Variants in ST8SIA6 observed in about 807,000 individuals in gnomAD.
The protein encoded by ST8SIA6 is alpha-2,8-sialyltransferase 8F.
ST8SIA6 carries 39 observed loss-of-function variants against 33.6 expected under a neutral mutation model. The ratio of observed to expected loss-of-function variants is 1.16; its 90% CI spans 0.90 to 1.52. The LOEUF is 1.52. Ranked by LOEUF, ST8SIA6 falls within the 40% of genes most tolerant of loss-of-function variation. The pLI is 0.00. For missense variants in ST8SIA6, 441 were observed against 443.8 expected (o/e 0.99, Z 0.06); for synonymous variants, 172 against 167.2 (o/e 1.03, Z -0.22).
chr10:17,333,718 T>TATACATATA (rs1491246829), intron 4 of ST8SIA6, among the ~76,000 whole-genome samples: 1 of 24,280 alleles, frequency 4.1e-5, no homozygotes, highest in Non-Finnish European at 7.9e-5. Flanking sequence ...TATATATATA[T>TATACATATA]TTTTTTTTTT....
chr10:17,374,861 T>TGTA (rs1223842077), intron 3 of ST8SIA6, among the ~76,000 whole-genome samples: 1 of 151,530 alleles, frequency 6.6e-6, no homozygotes, highest in Non-Finnish European at 1.5e-5. Context: ...ATACTAAGAA[T>TGTA]GTAGTGTGTT....
In ST8SIA6 at chr10:17,315,631, G is replaced by A. The variant is rs1847747855; in HGVS notation, c.*5247C>T. On this transcript the variant is annotated 3_prime_UTR_variant, in exon 8 of 8. Coordinates refer to ENST00000377602, the MANE Select transcript of ST8SIA6 (RefSeq NM_001004470.3). ...AAGTGCAAGACAAGAAATGAGTACA[G>A]ACAGTAAGATTCCATTTATATAAAA... 6.6e-6 allele frequency among the ~76,000 whole-genome samples: 1 copy of A among 151,914 alleles called. No individual in the cohort carries two copies. Among genetic ancestry groups the A allele is most frequent in the Admixed American group, 6.6e-5 (1 of 15,212 alleles).
At chr10:17,358,346 A>G (rs1275283378) in intron 4 of ST8SIA6, among the ~76,000 whole-genome samples, 1 of 152,222 alleles carries the variant, frequency 6.6e-6, no homozygotes, top group Non-Finnish European at 1.5e-5. Context: ...GCAAACAAGA[A>G]GAGCTGCCTT....
At chr10:17,399,413 T>G (rs1234181009) in intron 2 of ST8SIA6, among the ~76,000 whole-genome samples, 1 of 152,210 alleles carries the variant, frequency 6.6e-6, no homozygotes, top group Non-Finnish European at 1.5e-5. Context: ...GGAACTTTTC[T>G]TAAAATGACT....
chr10:17,355,795 G>C (rs1849171425), intron 4 of ST8SIA6, among the ~76,000 whole-genome samples: 3 of 152,200 alleles, frequency 2.0e-5, no homozygotes, highest in Non-Finnish European at 4.4e-5. Flanking sequence ...CCATGCATCA[G>C]ATCCTTCCTT....
chr10:17,343,975 TATC>T (rs1848756159), intron 4 of ST8SIA6, among the ~76,000 whole-genome samples: 1 of 152,214 alleles, frequency 6.6e-6, no homozygotes, highest in Non-Finnish European at 1.5e-5. Context: ...GAAGCGCTAT[TATC>T]ATCCCTGTTG....
At position 17,319,899 on chromosome 10, in the gene ST8SIA6, A is replaced by G. The variant is rs949208398; in HGVS notation, c.*979T>C. On this transcript the variant is annotated 3_prime_UTR_variant, in exon 8 of 8. Coordinates refer to ENST00000377602, the MANE Select transcript of ST8SIA6 (RefSeq NM_001004470.3). ...GTACATTGAAATAGATTCCACTGAA[A>G]TGGATTTAATTATCCCTGCTTCTGT... 7.2e-5 allele frequency: 11 copies of G among 152,200 alleles called. No individual in the cohort carries two copies. In the East Asian group the frequency reaches 2.1e-3, roughly 29 times the overall value. 9.4% of individuals were successfully genotyped at this position (152,200 alleles called of 1,614,324 possible).
chr10:17,328,063 GA>G (rs1199222471), intron 5 of ST8SIA6, among the ~76,000 whole-genome samples: 1 of 151,880 alleles, frequency 6.6e-6, no homozygotes, highest in East Asian at 1.9e-4. Context: ...CATAATTAAG[GA>G]AAAAAATTAG....
intron 2 of ST8SIA6, among the ~76,000 whole-genome samples, chr10:17,405,629 A>C (rs1042678743): frequency 1.3e-5 from 2 of 150,310 alleles, no homozygotes; most frequent in Non-Finnish European, 3.0e-5. Flanking sequence ...CATTCCTGTA[A>C]TCCCAGCACT....
chr10:17,444,038 C>T (rs1457277529), intron 2 of ST8SIA6, among the ~76,000 whole-genome samples: 3 of 152,310 alleles, frequency 2.0e-5, no homozygotes, highest in East Asian at 1.9e-4. Flanking sequence ...CCTCTGGTCT[C>T]GTTATTTCCA....
intron 2 of ST8SIA6, among the ~76,000 whole-genome samples, chr10:17,392,878 G>A (rs1681142398): frequency 6.6e-6 from 1 of 152,190 alleles, no homozygotes; most frequent in African/African-American, 2.4e-5. Flanking sequence ...GCTTGTGATG[G>A]TTCATTTTCT....
intron 3 of ST8SIA6, among the ~76,000 whole-genome samples, chr10:17,364,014 G>A (rs1474714917): frequency 6.6e-6 from 1 of 152,176 alleles, no homozygotes; most frequent in Non-Finnish European, 1.5e-5. Context: ...CATCCAAACA[G>A]CAAGTACTAC....
At chr10:17,333,934 C>A (rs954582687) in intron 4 of ST8SIA6, among the ~76,000 whole-genome samples, 33 of 149,362 alleles carry the variant, frequency 2.2e-4, no homozygotes, top group Admixed American at 4.7e-4. Flanking sequence ...GTTGGCCAGG[C>A]TGATCTTGAA....
chr10:17,347,953 C>CAAAAAAAAAAAAA (rs55996465), intron 4 of ST8SIA6, among the ~76,000 whole-genome samples: 5 of 68,634 alleles, frequency 7.3e-5, no homozygotes, highest in Non-Finnish European at 1.1e-4. Context: ...GACTCTGTCT[C>CAAAAAAAAAAAAA]AAAAAAAAAA....
chr10:17,450,049 A>G (rs774315542), intron 2 of ST8SIA6, among the ~76,000 whole-genome samples: 3 of 152,180 alleles, frequency 2.0e-5, no homozygotes, highest in African/African-American at 7.2e-5. Context: ...TGGTTTTTAT[A>G]TGTTTAGATG....
At chr10:17,360,981 G>A (rs1053396959) in intron 3 of ST8SIA6, among the ~76,000 whole-genome samples, 1 of 151,644 alleles carries the variant, frequency 6.6e-6, no homozygotes, top group Non-Finnish European at 1.5e-5. Context: ...AGAAGGAGAA[G>A]AAGAGGGAGA....
chr10:17,392,994 A>T (rs1029538798), intron 2 of ST8SIA6, among the ~76,000 whole-genome samples: 4 of 152,178 alleles, frequency 2.6e-5, no homozygotes, highest in South Asian at 2.1e-4. Flanking sequence ...GAATCAACAG[A>T]CTGAGTAAAG....
intron 3 of ST8SIA6, among the ~76,000 whole-genome samples, chr10:17,377,849 G>A (rs538873482): frequency 4.6e-5 from 7 of 152,128 alleles, no homozygotes; most frequent in Middle Eastern, 6.8e-3. Context: ...CTTTTTTATC[G>A]CCATACACTG....
intron 3 of ST8SIA6, among the ~76,000 whole-genome samples, chr10:17,385,408 A>G (rs959104709): frequency 6.6e-6 from 1 of 152,214 alleles, no homozygotes; most frequent in Non-Finnish European, 1.5e-5. Context: ...AGAGACCACC[A>G]AACAGGCTTT....
Sources: allele counts gnomAD v4.1 joint callset (sites outside exome capture counted in the v4.1 genomes callset), GRCh38; gene constraint gnomAD v4.1.1; transcripts MANE v1.5; gene names NCBI Gene and HGNC (gene_info 2026-07-23, HGNC 2026-07-21).